HS6ST2: variants seen among roughly 807,000 people sequenced by gnomAD.
HS6ST2 encodes heparan sulfate 6-O-sulfotransferase 2, also known as heparan-sulfate 6-O-sulfotransferase 2.
In HS6ST2, 17 loss-of-function variants were observed where a neutral mutation model predicts 33.0. The observed-to-expected ratio is 0.52, with a 90% CI of 0.35 to 0.77. The LOEUF (loss-of-function observed/expected upper bound fraction) is 0.77. Among genes scored for constraint, HS6ST2 ranks in the 30% least tolerant of loss-of-function variants. The probability of loss-of-function intolerance (pLI) is 0.01; values close to 1 mark genes in which losing one functional copy is unlikely to be tolerated. For synonymous variants in HS6ST2, 248 were observed against 237.1 expected, an observed-to-expected ratio of 1.05 and a Z score of -0.42; for missense variants, 519 against 551.7, an observed-to-expected ratio of 0.94 and a Z score of 0.59.
At chrX:132,879,897 C>T (rs1283439778) in intron 2 of HS6ST2, among the ~76,000 whole-genome samples, 2 of 111,536 alleles carry the variant, frequency 1.8e-5, no homozygotes, top group African/African-American at 3.3e-5. Context: ...GCACCTACAA[C>T]GTCATCACTA....
At chrX:132,788,338 C>T (rs777180183) in intron 2 of HS6ST2, among the ~76,000 whole-genome samples, 2 of 111,563 alleles carry the variant, frequency 1.8e-5, no homozygotes, top group South Asian at 3.8e-4. Context: ...TGATGTTACT[C>T]TTGTAATTAC....
chrX:132,740,346 A>C (rs1224302543), intron 2 of HS6ST2, among the ~76,000 whole-genome samples: 6 of 111,997 alleles, frequency 5.4e-5, no homozygotes, highest in Non-Finnish European at 7.5e-5. Flanking sequence ...TACTATTCAC[A>C]CTGCTCTGCA....
At chrX:132,842,943 C>T (rs959531808) in intron 2 of HS6ST2, among the ~76,000 whole-genome samples, 1 of 112,256 alleles carries the variant, frequency 8.9e-6, no homozygotes, top group African/African-American at 3.2e-5. Flanking sequence ...AGCCACCACA[C>T]ATTTACACAA....
chrX:132,728,343 T>G (rs1439034128), intron 2 of HS6ST2, among the ~76,000 whole-genome samples: 1 of 112,241 alleles, frequency 8.9e-6, no homozygotes, highest in African/African-American at 3.2e-5. Context: ...AACACTCAAT[T>G]AGCCCAAATG....
At chrX:132,693,842 G>A (rs1379096746) in intron 3 of HS6ST2, among the ~76,000 whole-genome samples, 1 of 111,253 alleles carries the variant, frequency 9.0e-6, no homozygotes, top group Non-Finnish European at 1.9e-5. Flanking sequence ...CACTGAGGAT[G>A]GTCTCAGCCT....
intron 2 of HS6ST2, among the ~76,000 whole-genome samples, chrX:132,794,204 T>C (rs998494161): frequency 2.7e-5 from 3 of 112,030 alleles, no homozygotes; most frequent in African/African-American, 9.7e-5. Context: ...TGGACTTAGA[T>C]GAAGGCTTCC....
At chrX:132,715,515 A>T (rs1282403510) in intron 2 of HS6ST2, among the ~76,000 whole-genome samples, 4 of 110,676 alleles carry the variant, frequency 3.6e-5, no homozygotes, top group Non-Finnish European at 7.6e-5. Context: ...TCTTTTAGAG[A>T]CCTCTAGTGT....
chrX:132,890,192 A>G (rs1428587694), intron 2 of HS6ST2, among the ~76,000 whole-genome samples: 1 of 110,431 alleles, frequency 9.1e-6, no homozygotes, highest in African/African-American at 3.3e-5. Context: ...CCATGAGAGC[A>G]GTACTATCTA....
Position 132,628,856 on chromosome X carries a change from G to A in HS6ST2, c.1305C>T (p.Ser435=), listed in dbSNP as rs771609534. The A allele has an allele frequency of 9.9e-6, 12 of 1,211,766 alleles. No individual in the cohort carries two copies. The highest frequency in any genetic ancestry group is 1.3e-5 in the Non-Finnish European group (12 of 895,467). ...TGTAGCAGCCTACCAGGGTCAGGTC[G>A]GAGAGCATGCGCACCTGGCGGTTGT... ...LANNRQVRML[S]DLTLVGCYNL... Residue 435 remains serine (S), a synonymous_variant, in exon 5 of 5, where the codon TCC becomes TCT. Transcript: ENST00000370833.
chrX:132,824,131 T>C (rs2148380412), intron 2 of HS6ST2, among the ~76,000 whole-genome samples: 1 of 111,250 alleles, frequency 9.0e-6, no homozygotes, highest in African/African-American at 3.3e-5. Context: ...AGAAACAATC[T>C]AGCCCAGCTA....
chrX:132,935,929 T>C (rs181839841), intron 2 of HS6ST2, among the ~76,000 whole-genome samples: 14 of 109,183 alleles, frequency 1.3e-4, no homozygotes, highest in Non-Finnish European at 2.5e-4. Flanking sequence ...TATAACTTTA[T>C]ATCATAAGAT....
chrX:132,737,848 G>A (rs1004627696), intron 2 of HS6ST2, among the ~76,000 whole-genome samples: 10 of 112,386 alleles, frequency 8.9e-5, no homozygotes, highest in African/African-American at 3.2e-4. Context: ...GGGCTGGTGT[G>A]ACTTCCTGCT....
chrX:132,958,435 C>T lies in HS6ST2; in HGVS notation c.168G>A (p.Arg56=), dbSNP rs1296816536. 1.7e-6 allele frequency: 2 copies of T among 1,198,925 alleles called. No homozygotes were observed. Among genetic ancestry groups the T allele is most frequent in the South Asian group, 1.8e-5 (1 of 55,709 alleles). The change falls in exon 1 of 5, where the codon AGG becomes AGA. Residue 56 remains arginine (R), a synonymous_variant. Coordinates refer to ENST00000370833, the MANE Select transcript of HS6ST2 (RefSeq NM_001394073.1). ...VAASVRAGPP[R]GVSHGFHTRP... is the part of the protein sequence containing the mutation. ...GGGTGTGGAATCCGTGAGACACACC[C>T]CTAGGAGGGCCCGCGCGAACTGAGG...
chrX:132,656,112 T>C (rs190008955), intron 4 of HS6ST2, among the ~76,000 whole-genome samples: 127 of 111,510 alleles, frequency 1.1e-3, no homozygotes, highest in Admixed American at 2.0e-3. Context: ...CATTTTTTTT[T>C]CCTCCAAGTG....
intron 3 of HS6ST2, among the ~76,000 whole-genome samples, chrX:132,670,058 G>A (rs1161451015): frequency 4.5e-5 from 5 of 110,431 alleles, no homozygotes; most frequent in Non-Finnish European, 7.5e-5. Context: ...CTCTCCACTT[G>A]AAGATGTGTG....
chrX:132,651,868 G>T (rs1034387120), intron 4 of HS6ST2, among the ~76,000 whole-genome samples: 1 of 111,595 alleles, frequency 9.0e-6, no homozygotes, highest in Non-Finnish European at 1.9e-5. Context: ...TCCTCCAGGG[G>T]GTGGCATATG....
chrX:132,866,283 T>C (rs1166614150), intron 2 of HS6ST2, among the ~76,000 whole-genome samples: 2 of 110,609 alleles, frequency 1.8e-5, no homozygotes, highest in African/African-American at 3.3e-5. Context: ...AAAGATCAGA[T>C]AGTTGTAGAT....
chrX:132,723,117 A>T (rs1165296193), intron 2 of HS6ST2, among the ~76,000 whole-genome samples: 1 of 111,511 alleles, frequency 9.0e-6, no homozygotes, highest in Non-Finnish European at 1.9e-5. Context: ...ACCTACCAAG[A>T]CTGAACCATG....
intron 2 of HS6ST2, among the ~76,000 whole-genome samples, chrX:132,825,842 A>G (rs924055182): frequency 2.7e-5 from 3 of 111,711 alleles, no homozygotes; most frequent in Non-Finnish European, 5.6e-5. Context: ...CTTTATGTGA[A>G]TTCTCAGTTA....
Sources: allele counts gnomAD v4.1 joint callset (sites outside exome capture counted in the v4.1 genomes callset), GRCh38; gene constraint gnomAD v4.1.1; transcripts MANE v1.5; gene names NCBI Gene and HGNC (gene_info 2026-07-23, HGNC 2026-07-21).